Variants in APLP2 observed in about 807,000 individuals in gnomAD.
APLP2 encodes amyloid beta precursor like protein 2.
A neutral mutation model predicts 89.9 loss-of-function variants in APLP2; 53 were observed. That is an observed-to-expected ratio of 0.59 (90% CI 0.47 to 0.74). The LOEUF (loss-of-function observed/expected upper bound fraction) is 0.74. APLP2 is among the 30% of genes least tolerant of loss of function. The probability of loss-of-function intolerance (pLI) is 0.00; values close to 1 mark genes in which losing one functional copy is unlikely to be tolerated. For missense variants in APLP2, 973 were observed against 975.9 expected, an observed-to-expected ratio of 1.00 and a Z score of 0.04; for synonymous variants, 372 against 348.6, an observed-to-expected ratio of 1.07 and a Z score of -0.75.
chr11:130,091,046 C>T (rs1225714460), intron 1 of APLP2, among the ~76,000 whole-genome samples: 97 of 141,758 alleles, frequency 6.8e-4, no homozygotes, highest in African/African-American at 2.7e-3. Context: ...GGGGGGCCGA[C>T]ACCCCCACCT....
At chr11:130,070,631 G>T (rs1940818318) in intron 1 of APLP2, 3 of 1,455,134 alleles carry the variant, frequency 2.1e-6, no homozygotes, top group Non-Finnish European at 9.0e-7. Flanking sequence ...AGCCCCGGGG[G>T]AGCTCCCGCG....
At chr11:130,103,625 CATA>C (rs1294104357) in intron 1 of APLP2, among the ~76,000 whole-genome samples, 3 of 152,144 alleles carry the variant, frequency 2.0e-5, no homozygotes, top group African/African-American at 7.2e-5. Context: ...AGCCAACAAC[CATA>C]ATGAGTAACA....
chr11:130,123,856 T>C lies in APLP2; in HGVS notation c.1090+77T>C. ...TCCGTCTCCCTGCCGTCTTCGTGGC[T>C]GCATCTGTGTGGTGTCCCTGCCCAC... On this transcript the variant is annotated intron_variant, in intron 7 of 16. Coordinates refer to ENST00000338167, the MANE Select transcript of APLP2 (RefSeq NM_001142276.2). This position sits in a 1 kb window ranked among gnomAD's most constrained non-coding sequence, Gnocchi z 4.0. 1 of 1,519,774 alleles carries C rather than the reference T, an allele frequency of 6.6e-7. No homozygotes were observed. Among genetic ancestry groups the C allele is most frequent in the South Asian group, 1.2e-5 (1 of 82,354 alleles). The allele number at this position is 1,519,774 out of a possible 1,614,324, so 94.1% of individuals were successfully genotyped here. A position where few individuals can be genotyped will look rare whatever the true frequency, so the allele number is the denominator to read the frequency against.
intron 1 of APLP2, among the ~76,000 whole-genome samples, chr11:130,089,051 C>G (rs1016562747): frequency 1.3e-5 from 2 of 152,168 alleles, no homozygotes; most frequent in African/African-American, 4.8e-5. Flanking sequence ...CTCCAATCCT[C>G]AGCCCCCTCC....
chr11:130,117,552 A>G (rs1949338204), intron 3 of APLP2, among the ~76,000 whole-genome samples: 1 of 151,926 alleles, frequency 6.6e-6, no homozygotes, highest in Non-Finnish European at 1.5e-5. Flanking sequence ...TTACAGGTGC[A>G]TGCCACCATG....
intron 10 of APLP2, 51 bp downstream of exon 10, chr11:130,129,257 C>G (rs1420295022): frequency 6.4e-7 from 1 of 1,551,008 alleles, no homozygotes; most frequent in African/African-American, 1.4e-5. Flanking sequence ...ATGTAGGGGA[C>G]CAATGTATGA....
At chr11:130,097,553 C>T (rs748415858) in intron 1 of APLP2, among the ~76,000 whole-genome samples, 42 of 152,066 alleles carry the variant, frequency 2.8e-4, no homozygotes, top group Non-Finnish European at 5.0e-4. Context: ...TTTAATTAGC[C>T]GGGTGTAGTG....
rs1003554519 is a variant in APLP2 at position 130,141,147 on chromosome 11, C to T, written c.1924-351C>T. On this transcript the variant is annotated intron_variant, in intron 14 of 16. Transcript: ENST00000338167. This position sits in a 1 kb window ranked among gnomAD's most constrained non-coding sequence, Gnocchi z 4.2. ...GGTCTCGATCTCCTGACCTTGTGAT[C>T]CACCTGCCTCGGCCTCCCAAAGTGC... The T allele has an allele frequency of 3.7e-5, 7 of 187,324 alleles. No individual in the cohort carries two copies. The highest frequency in any genetic ancestry group is 6.7e-5 in the Non-Finnish European group (6 of 89,884). The allele number at this position is 187,324 out of a possible 1,614,324, so 11.6% of individuals were successfully genotyped here. A position where few individuals can be genotyped will look rare whatever the true frequency, so the allele number is the denominator to read the frequency against.
intron 1 of APLP2, chr11:130,070,479 G>A (rs987354899): frequency 8.9e-7 from 1 of 1,120,388 alleles, no homozygotes; most frequent in Non-Finnish European, 1.1e-6. Flanking sequence ...CTTTCTCCAG[G>A]GGCGGCCCCG....
intron 1 of APLP2, among the ~76,000 whole-genome samples, chr11:130,091,723 A>ACCC (rs1211998735): frequency 1.9e-5 from 2 of 102,888 alleles, no homozygotes; most frequent in Non-Finnish European, 3.9e-5. Context: ...CGGGGGGCTG[A>ACCC]CCCCCCCACC....
intron 1 of APLP2, among the ~76,000 whole-genome samples, chr11:130,107,492 G>A (rs1172545768): frequency 6.6e-6 from 1 of 152,156 alleles, no homozygotes; most frequent in African/African-American, 2.4e-5. Context: ...AAATACCTGG[G>A]AATCCAACTT....
chr11:130,073,780 C>T lies in APLP2; in HGVS notation c.105+3698C>T, dbSNP rs922845379. Among the ~76,000 whole-genome samples the T allele has an allele frequency of 5.3e-5, 8 of 151,628 alleles. No individual in the cohort carries two copies. The South Asian group carries it at 6.3e-4, about 12-fold the overall frequency. On this transcript the variant is annotated intron_variant, in intron 1 of 16. Coordinates refer to ENST00000338167, the MANE Select transcript of APLP2 (RefSeq NM_001142276.2). ...CTGGGAGGTGGAGGTTACAGTGAGC[C>T]GAGATCACACCACTGCACTCCAGCC...
intron 1 of APLP2, among the ~76,000 whole-genome samples, chr11:130,077,589 AT>A (rs577382884): frequency 3.6e-4 from 54 of 149,472 alleles, no homozygotes; most frequent in African/African-American, 1.3e-3. Flanking sequence ...GAATCTTAAC[AT>A]TTCTCATGTA....
At chr11:130,105,437 C>T (rs943442205) in intron 1 of APLP2, among the ~76,000 whole-genome samples, 2 of 152,074 alleles carry the variant, frequency 1.3e-5, no homozygotes, top group African/African-American at 2.4e-5. Flanking sequence ...GTGGGGGCAT[C>T]AAAGCTACCC....
At chr11:130,093,115 A>AAG (rs1415060510) in intron 1 of APLP2, among the ~76,000 whole-genome samples, 1 of 152,296 alleles carries the variant, frequency 6.6e-6, no homozygotes, top group African/African-American at 2.4e-5. Context: ...TGAGCAGTGA[A>AAG]AGTCTCCCTA....
At chr11:130,125,572 A>G (rs1950287393) in intron 7 of APLP2, among the ~76,000 whole-genome samples, 1 of 152,250 alleles carries the variant, frequency 6.6e-6, no homozygotes, top group Admixed American at 6.5e-5. Context: ...AAATGGGCAA[A>G]TAAAAGATGC....
intron 3 of APLP2, among the ~76,000 whole-genome samples, chr11:130,118,774 C>A (rs940520834): frequency 2.0e-5 from 3 of 152,164 alleles, no homozygotes; most frequent in African/African-American, 4.8e-5. Flanking sequence ...GGTACTGCCT[C>A]CCCTAGAGCC....
chr11:130,129,145 A>C lies in APLP2; in HGVS notation c.1394A>C (p.Asn465Thr), dbSNP rs375083712. The change falls in exon 10 of 17, where the codon AAT (asparagine) becomes ACT (threonine). Residue 465 changes from asparagine to threonine, a missense_variant. Transcript: ENST00000338167. ...CTGGCCCGAGTGGAAGCTATGCTGAATGACCGCCGTCGGATGGCTCTGGAG... is the reference window on the plus strand; with the variant it reads ...CTGGCCCGAGTGGAAGCTATGCTGACTGACCGCCGTCGGATGGCTCTGGAG... ...THLARVEAML[N>T]DRRRMALENY... 1 of 1,614,210 alleles carries C rather than the reference A, an allele frequency of 6.2e-7. No individual in the cohort carries two copies. The highest frequency in any genetic ancestry group is 2.2e-5 in the East Asian group (1 of 44,886).
intron 1 of APLP2, among the ~76,000 whole-genome samples, chr11:130,083,917 T>C (rs951913798): frequency 4.6e-5 from 7 of 152,232 alleles, no homozygotes; most frequent in African/African-American, 1.7e-4. Context: ...TTTTCTATAG[T>C]GGCTGCACCA....
Sources: allele counts gnomAD v4.1 joint callset (sites outside exome capture counted in the v4.1 genomes callset), GRCh38; gene constraint gnomAD v4.1.1; non-coding constraint Gnocchi (gnomAD v3.1); transcripts MANE v1.5; gene names NCBI Gene and HGNC (gene_info 2026-07-23, HGNC 2026-07-21).